Variants in ATP6V1H observed in about 807,000 individuals in gnomAD.
The protein encoded by ATP6V1H is ATPase H+ transporting V1 subunit H, also known as V-type proton ATPase subunit H.
A neutral mutation model predicts 71.7 loss-of-function variants in ATP6V1H; 39 were observed. The ratio of observed to expected loss-of-function variants is 0.54; its 90% CI spans 0.42 to 0.71. The LOEUF (loss-of-function observed/expected upper bound fraction) is 0.71. Among genes scored for constraint, ATP6V1H ranks in the 30% least tolerant of loss-of-function variants. ATP6V1H has a pLI of 0.00. For synonymous variants in ATP6V1H, 192 were observed against 199.3 expected, an observed-to-expected ratio of 0.96 and a Z score of 0.31; for missense variants, 509 against 594.9, an observed-to-expected ratio of 0.86 and a Z score of 1.50.
intron 11 of ATP6V1H, among the ~76,000 whole-genome samples, chr8:53,764,962 G>A (rs201518077): frequency 3.9e-5 from 6 of 152,104 alleles, no homozygotes; most frequent in South Asian, 2.1e-4. Context: ...CAAAATAGCC[G>A]GGCATGGTGG....
intron 13 of ATP6V1H, among the ~76,000 whole-genome samples, chr8:53,734,839 A>G (rs903191693): frequency 6.6e-5 from 10 of 152,200 alleles, no homozygotes; most frequent in African/African-American, 1.9e-4. Flanking sequence ...TTCTAATGAA[A>G]AAAAAAAGGA....
At chr8:53,744,529 A>T (rs564943969) in intron 12 of ATP6V1H, among the ~76,000 whole-genome samples, 1 of 152,188 alleles carries the variant, frequency 6.6e-6, no homozygotes, top group Non-Finnish European at 1.5e-5. Flanking sequence ...GGATACCTAC[A>T]ATATAGTCAG....
At chr8:53,748,622 A>C (rs776691840) in intron 12 of ATP6V1H, among the ~76,000 whole-genome samples, 1 of 152,226 alleles carries the variant, frequency 6.6e-6, no homozygotes, top group Non-Finnish European at 1.5e-5. Context: ...CCCATGATAA[A>C]TGAGGAAATG....
At chr8:53,757,029 T>G (rs367726010) in intron 11 of ATP6V1H, among the ~76,000 whole-genome samples, 103 of 152,364 alleles carry the variant, frequency 6.8e-4, no homozygotes, top group African/African-American at 2.4e-3. Flanking sequence ...GACAAGTGAC[T>G]TTCAGTGCTC....
intron 8 of ATP6V1H, 25 bp downstream of exon 8, chr8:53,801,774 T>C: frequency 6.4e-7 from 1 of 1,567,512 alleles, no homozygotes; most frequent in South Asian, 1.1e-5. Flanking sequence ...AATGTTATTT[T>C]ACATTAAAAG....
At chr8:53,789,053 T>C (rs1809478798) in intron 9 of ATP6V1H, among the ~76,000 whole-genome samples, 1 of 152,200 alleles carries the variant, frequency 6.6e-6, no homozygotes, top group South Asian at 2.1e-4. Context: ...TTGCCTTACA[T>C]ATATTTGGTC....
At chr8:53,833,219 A>G in intron 2 of ATP6V1H, 133 bp from the exon 3 acceptor site, 1 of 630,562 alleles carries the variant, frequency 1.6e-6, no homozygotes, top group Non-Finnish European at 2.8e-6. Context: ...CTGGCATCAG[A>G]CAGACCTGGA....
chr8:53,775,028 C>T (rs1461542410), intron 9 of ATP6V1H, among the ~76,000 whole-genome samples: 6 of 152,216 alleles, frequency 3.9e-5, no homozygotes, highest in Non-Finnish European at 5.9e-5. Flanking sequence ...CGGACCCTCG[C>T]GGTGTTACAG....
chr8:53,753,038 GA>G lies in ATP6V1H; in HGVS notation c.1277+3516del, dbSNP rs201397964. Among the ~76,000 whole-genome samples the G allele has an allele frequency of 5.6e-3, 753 of 133,540 alleles. 8 individuals are homozygous for G. The highest frequency in any genetic ancestry group is 0.018 in the African/African-American group (661 of 36,568). 87.6% of individuals were successfully genotyped at this position (133,540 alleles called of 152,430 possible). On this transcript the variant is annotated intron_variant, in intron 12 of 13. Transcript: ENST00000359530. The stretch of plus-strand genomic sequence containing the variant: ...ACTGAACACCCATAAAGTTTGGGGG[GA>G]AAAAAAAAACAACAACCCTATAACC...
intron 13 of ATP6V1H, among the ~76,000 whole-genome samples, chr8:53,726,960 T>C (rs1323597945): frequency 6.6e-6 from 1 of 152,274 alleles, no homozygotes; most frequent in Non-Finnish European, 1.5e-5. Flanking sequence ...AAAACACTTA[T>C]TCGGCATGAA....
intron 9 of ATP6V1H, among the ~76,000 whole-genome samples, chr8:53,794,960 T>C (rs764809932): frequency 5.3e-5 from 8 of 152,180 alleles, no homozygotes; most frequent in Non-Finnish European, 8.8e-5. Context: ...TAACCTTGAA[T>C]AGCATTCTTA....
chr8:53,833,695 C>A (rs1229491608), intron 2 of ATP6V1H, among the ~76,000 whole-genome samples: 1 of 152,138 alleles, frequency 6.6e-6, no homozygotes, highest in African/African-American at 2.4e-5. Context: ...CTCCCCAGCA[C>A]TCAATCACTG....
intron 11 of ATP6V1H, among the ~76,000 whole-genome samples, chr8:53,760,877 C>T (rs890591033): frequency 4.6e-5 from 7 of 152,176 alleles, no homozygotes; most frequent in Non-Finnish European, 1.0e-4. Flanking sequence ...TTTCTCAGGG[C>T]TCCTTAAGAC....
At chr8:53,744,632 G>C (rs1482439016) in intron 12 of ATP6V1H, among the ~76,000 whole-genome samples, 1 of 152,188 alleles carries the variant, frequency 6.6e-6, no homozygotes, top group Non-Finnish European at 1.5e-5. Flanking sequence ...GAAATAAGTA[G>C]ATGGGGGTCG....
intron 11 of ATP6V1H, among the ~76,000 whole-genome samples, 182 bp downstream of exon 11, chr8:53,769,436 C>T (rs1808575737): frequency 6.6e-6 from 1 of 152,132 alleles, no homozygotes; most frequent in Admixed American, 6.5e-5. Context: ...TGAACAGGCA[C>T]TTCTCCAAGA....
At chr8:53,753,662 A>G (rs1307434662) in intron 12 of ATP6V1H, among the ~76,000 whole-genome samples, 1 of 152,220 alleles carries the variant, frequency 6.6e-6, no homozygotes, top group Non-Finnish European at 1.5e-5. Context: ...GGCTCTATAT[A>G]CCATCTATCC....
chr8:53,730,427 G>A (rs538683068), intron 13 of ATP6V1H, among the ~76,000 whole-genome samples: 1 of 152,106 alleles, frequency 6.6e-6, no homozygotes, highest in Non-Finnish European at 1.5e-5. Flanking sequence ...TTCTATAATA[G>A]ATCATTTACA....
intron 7 of ATP6V1H, among the ~76,000 whole-genome samples, chr8:53,806,458 G>C (rs1810081375): frequency 6.6e-6 from 1 of 151,658 alleles, no homozygotes; most frequent in African/African-American, 2.4e-5. Context: ...AAAAAAAATA[G>C]TTTTACTATT....
At chr8:53,833,653 C>T (rs541187096) in intron 2 of ATP6V1H, among the ~76,000 whole-genome samples, 1 of 152,200 alleles carries the variant, frequency 6.6e-6, no homozygotes, top group African/African-American at 2.4e-5. Flanking sequence ...CCAGGGGTCG[C>T]TTCATCACTG....
Sources: allele counts gnomAD v4.1 joint callset (sites outside exome capture counted in the v4.1 genomes callset), GRCh38; gene constraint gnomAD v4.1.1; transcripts MANE v1.5; gene names NCBI Gene and HGNC (gene_info 2026-07-23, HGNC 2026-07-21).